The following TSN variants were observed in gnomAD, a reference collection of about 807,000 sequenced individuals.
TSN encodes the protein translin, also known as component 3 of promoter of RISC.
Under a neutral mutation model 29.4 loss-of-function variants are expected in TSN, and 5 were observed. The ratio of observed to expected loss-of-function variants is 0.17; its 90% CI spans 0.09 to 0.36. The LOEUF is 0.36. Among genes scored for constraint, TSN ranks in the 10% least tolerant of loss-of-function variants. The pLI, the probability that TSN is intolerant of heterozygous loss-of-function variation, is 1.00. For synonymous variants in TSN, 106 were observed against 102.2 expected (o/e 1.04, Z -0.23); for missense variants, 159 against 272.8 (o/e 0.58, Z 2.94).
At chr2:121,761,247 A>G (rs1182338739) in intron 3 of TSN, among the ~76,000 whole-genome samples, 162 bp from the exon 4 acceptor site, 3 of 152,210 alleles carry the variant, frequency 2.0e-5, no homozygotes, top group African/African-American at 7.2e-5. Context: ...GAACTTGTAA[A>G]ATTAATGCTA....
At chr2:121,762,374 C>T (rs1282685216) in intron 4 of TSN, among the ~76,000 whole-genome samples, 16 of 152,094 alleles carry the variant, frequency 1.1e-4, no homozygotes, top group South Asian at 6.2e-4. Context: ...GTGATTTGCC[C>T]GCCTTGGCCT....
chr2:121,756,539 A>AGG, intron 1 of TSN: 1 of 796,134 alleles, frequency 1.3e-6, no homozygotes, highest in African/African-American at 1.9e-5. Context: ...GCCAGAGGGA[A>AGG]GGGATTGTGT....
At chr2:121,759,268 C>T (rs74730359) in intron 3 of TSN, among the ~76,000 whole-genome samples, 1 of 152,062 alleles carries the variant, frequency 6.6e-6, no homozygotes, top group Non-Finnish European at 1.5e-5. Context: ...TTAAGATACA[C>T]CATTATTTTA....
intron 4 of TSN, among the ~76,000 whole-genome samples, chr2:121,761,754 C>T (rs897424952): frequency 6.6e-6 from 1 of 152,148 alleles, no homozygotes; most frequent in African/African-American, 2.4e-5. Flanking sequence ...AACCTATACA[C>T]ATTCTCCCAC....
At chr2:121,757,537 C>T (rs1474629997) in intron 2 of TSN, 2 of 969,452 alleles carry the variant, frequency 2.1e-6, no homozygotes, top group Non-Finnish European at 3.0e-6. Context: ...ATTGCGAGGG[C>T]ATTCTACTGA....
chr2:121,755,973 G>A, intron 1 of TSN, 128 bp downstream of exon 1: 12 of 1,517,620 alleles, frequency 7.9e-6, no homozygotes, highest in Non-Finnish European at 1.1e-5. Context: ...TTCCCCTCTA[G>A]CTTTAGGTTA....
intron 1 of TSN, chr2:121,756,108 T>C: frequency 1.6e-6 from 1 of 634,424 alleles, no homozygotes; most frequent in Non-Finnish European, 2.6e-6. Context: ...CTTGTTTATA[T>C]CGAAGGCTCG....
chr2:121,756,047 G>A, intron 1 of TSN: 1 of 1,124,344 alleles, frequency 8.9e-7, no homozygotes, highest in South Asian at 1.7e-5. Flanking sequence ...TCGAGTCTCA[G>A]CTTCTCAGCA....
rs778470746 is a variant in TSN at position 121,758,701 on chromosome 2, T to C, written c.161-9T>C. 7.5e-5 allele frequency: 117 copies of C among 1,556,102 alleles called. 1 individual carries two copies. Among genetic ancestry groups the C allele is most frequent in the Non-Finnish European group, 1.0e-4 (115 of 1,154,896 alleles). On this transcript the variant is annotated splice_polypyrimidine_tract_variant and intron_variant, in intron 2 of 5. Transcript: ENST00000389682. ...TTAAGTTTTTCATTTGGTTATCTTTTGTGACTAGTTCCAAAGAGGTGTTTG... is the reference window on the plus strand; with the variant it reads ...TTAAGTTTTTCATTTGGTTATCTTTCGTGACTAGTTCCAAAGAGGTGTTTG...
At chr2:121,756,640 C>A (rs950904724) in intron 1 of TSN, 1 of 1,296,618 alleles carries the variant, frequency 7.7e-7, no homozygotes, top group South Asian at 1.2e-5. Flanking sequence ...AGCGGCGCCT[C>A]ATGCCTGTAA....
At chr2:121,763,125 G>T in intron 5 of TSN, 41 bp downstream of exon 5, 2 of 1,133,968 alleles carry the variant, frequency 1.8e-6, no homozygotes, top group Admixed American at 2.6e-5. Flanking sequence ...TGATCTTTCT[G>T]CTTCACTGTC....
chr2:121,758,395 C>T (rs2074778113), intron 2 of TSN, among the ~76,000 whole-genome samples: 1 of 152,210 alleles, frequency 6.6e-6, no homozygotes, highest in South Asian at 2.1e-4. Flanking sequence ...CAATTTTAGG[C>T]ATCCTCTGAG....
At chr2:121,763,768 G>T (rs1465279748) in intron 5 of TSN, among the ~76,000 whole-genome samples, 2 of 152,032 alleles carry the variant, frequency 1.3e-5, no homozygotes, top group Non-Finnish European at 2.9e-5. Flanking sequence ...TAGGGAAATT[G>T]CCCTGTAAAA....
intron 5 of TSN, among the ~76,000 whole-genome samples, chr2:121,763,366 C>T (rs1048068907): frequency 2.6e-5 from 4 of 151,960 alleles, no homozygotes; most frequent in Middle Eastern, 3.2e-3. Context: ...AGGATGGTCT[C>T]GATCTCCTGA....
At chr2:121,757,887 C>T (rs1436117687) in intron 2 of TSN, among the ~76,000 whole-genome samples, 1 of 151,690 alleles carries the variant, frequency 6.6e-6, no homozygotes, top group African/African-American at 2.4e-5. Context: ...GCTGGTCTTG[C>T]ACTCCTGACC....
Position 121,761,981 on chromosome 2 carries a change from C to A in TSN, c.373+457C>A, listed in dbSNP as rs1052228076. The stretch of plus-strand genomic sequence containing the variant: ...TACAGGTGCCTGCCACTATGCCCAG[C>A]TAATTTTTTGTATTTTTTTTTTTTT... On this transcript the variant is annotated intron_variant, in intron 4 of 5. Transcript: ENST00000389682. 1.5e-4 allele frequency among the ~76,000 whole-genome samples: 22 copies of A among 150,852 alleles called. 1 individual carries two copies. Among genetic ancestry groups the A allele is most frequent in the African/African-American group, 5.2e-4 (21 of 40,760 alleles).
rs1359649918 is a variant in TSN, at chr2:121,765,520, C to T, written c.*153C>T. ...TGGTGTGAGTATCAGAATTGAAACA[C>T]TTTTTTGGGGGTAAAAAATATAGCC... On this transcript the variant is annotated 3_prime_UTR_variant, in exon 6 of 6. Coordinates refer to ENST00000389682, the MANE Select transcript of TSN (RefSeq NM_004622.3). 1.4e-6 allele frequency: 1 copy of T among 709,790 alleles called. No homozygotes were observed. Among genetic ancestry groups the T allele is most frequent in the Non-Finnish European group, 2.3e-6 (1 of 435,708 alleles). The allele number at this position is 709,790 out of a possible 1,614,324, so 44.0% of individuals were successfully genotyped here.
intron 5 of TSN, among the ~76,000 whole-genome samples, chr2:121,763,873 C>T (rs975508792): frequency 6.6e-5 from 10 of 152,126 alleles, no homozygotes; most frequent in South Asian, 2.1e-4. Context: ...CTATCTGGCT[C>T]GTTAAGAAAA....
At chr2:121,756,653 C>A in intron 1 of TSN, 2 of 1,295,334 alleles carry the variant, frequency 1.5e-6, no homozygotes, top group South Asian at 2.5e-5. Flanking sequence ...GCCTGTAATT[C>A]CAGCATTTTG....
Sources: gnomAD v4.1 joint callset for allele counts (sites outside exome capture counted in the v4.1 genomes callset) on GRCh38, gnomAD v4.1.1 for gene constraint, MANE v1.5 for transcripts, NCBI Gene and HGNC (gene_info 2026-07-23, HGNC 2026-07-21) for gene names.